METTL22: variants seen among roughly 807,000 people sequenced by gnomAD.
METTL22 encodes the protein methyltransferase-like protein 22.
Under a neutral mutation model 48.4 loss-of-function variants are expected in METTL22, and 51 were observed. The observed-to-expected ratio is 1.05, with a 90% CI of 0.84 to 1.33. METTL22 has a LOEUF of 1.33. Ranked by LOEUF, METTL22 falls within the 40% of genes most tolerant of loss-of-function variation. METTL22 has a pLI of 0.00. For synonymous variants in METTL22, 255 were observed against 214.1 expected (o/e 1.19, Z -1.67); for missense variants, 678 against 526.9 (o/e 1.29, Z -2.81).
downstream of METTL22, among the ~76,000 whole-genome samples, chr16:8,650,533 A>G (rs1000466816): frequency 6.6e-6 from 1 of 152,240 alleles, no homozygotes; most frequent in African/African-American, 2.4e-5. Context: ...TTGGTAGCAG[A>G]CTAGGGTGGC....
chr16:8,642,074 G>A, intron 7 of METTL22, 53 bp from the exon 8 acceptor site: 1 of 1,391,186 alleles, frequency 7.2e-7, no homozygotes, highest in Non-Finnish European at 1.0e-6. Flanking sequence ...AGTGAGAGTT[G>A]GTGGCCAGGA....
At chr16:8,664,743 G>A in the METTL22 span, among the ~76,000 whole-genome samples, 7 of 152,156 alleles carry the variant, frequency 4.6e-5, no homozygotes, top group Non-Finnish European at 7.3e-5. Context: ...TGACAGGCAT[G>A]AGCCACCACG....
rs767501864 is a variant in METTL22, at chr16:8,641,177, C to G, written c.819C>G (p.Leu273=). Residue 273 remains leucine, a synonymous_variant, in exon 7 of 11, where the codon CTC becomes CTG. Coordinates refer to ENST00000381920, the MANE Select transcript of METTL22 (RefSeq NM_024109.4). Reference sequence around the variant, plus strand: ...AACTGGACTGGCTGAAGGACGACCTCTGCACAGGTGTGTGTTTCTCTCGGA... The same window carrying G: ...AACTGGACTGGCTGAAGGACGACCTGTGCACAGGTGTGTGTTTCTCTCGGA... ...VKELDWLKDD[L]CTDPKVPFSW... The G allele has an allele frequency of 9.9e-6, 16 of 1,613,978 alleles. 1 individual carries two copies. The South Asian group carries it at 1.6e-4, about 17-fold the overall frequency.
At chr16:8,625,913 C>G in intron 2 of METTL22, 115 bp downstream of exon 2, 5 of 1,336,180 alleles carry the variant, frequency 3.7e-6, no homozygotes, top group East Asian at 2.3e-5. Flanking sequence ...TATCCTCAGA[C>G]CACTTTTTAA....
At chr16:8,625,172 G>C (rs958603602) in intron 1 of METTL22, among the ~76,000 whole-genome samples, 1 of 151,942 alleles carries the variant, frequency 6.6e-6, no homozygotes, top group Non-Finnish European at 1.5e-5. Context: ...AATAATTTAG[G>C]GGCAAAATGT....
At chr16:8,652,341 C>T (rs990359101), downstream of METTL22, among the ~76,000 whole-genome samples, 2 of 151,774 alleles carry the variant, frequency 1.3e-5, no homozygotes, top group South Asian at 2.1e-4. Context: ...CAGCTGTAAT[C>T]CCAGCTACTC....
the METTL22 span, among the ~76,000 whole-genome samples, chr16:8,655,394 T>C: frequency 6.6e-6 from 1 of 152,204 alleles, no homozygotes; most frequent in African/African-American, 2.4e-5. Flanking sequence ...CTTCTCTCAT[T>C]TCTCTGCCAT....
chr16:8,640,958 C>CTGGA (rs1567241392), intron 6 of METTL22, among the ~76,000 whole-genome samples, 173 bp from the exon 7 acceptor site: 11 of 27,612 alleles, frequency 4.0e-4, no homozygotes, highest in African/African-American at 1.3e-3. Context: ...GGGTGGATGG[C>CTGGA]TGGCTGGCTG....
chr16:8,643,989 A>C (rs2056704446), intron 9 of METTL22, among the ~76,000 whole-genome samples: 1 of 152,230 alleles, frequency 6.6e-6, no homozygotes, highest in African/African-American at 2.4e-5. Flanking sequence ...GGAAAAAGGC[A>C]AAGAGCTTTA....
intron 10 of METTL22, 43 bp downstream of exon 10, chr16:8,644,768 T>A: frequency 6.7e-7 from 1 of 1,490,740 alleles, no homozygotes; most frequent in Non-Finnish European, 9.0e-7. Context: ...TGCTTTACTG[T>A]GAAGCGGGTG....
At position 8,626,083 on chromosome 16, in the gene METTL22, A is replaced by G. The variant is rs534319494; in HGVS notation, c.133+285A>G. 2.0e-5 allele frequency among the ~76,000 whole-genome samples: 3 copies of G among 152,018 alleles called. No homozygotes were observed. In the South Asian group the frequency reaches 6.2e-4, roughly 32 times the overall value. On this transcript the variant is annotated intron_variant, in intron 2 of 10. Coordinates refer to ENST00000381920, the MANE Select transcript of METTL22 (RefSeq NM_024109.4). Reference sequence around the variant, plus strand: ...ACAGTCATGGCTCACTGCAGCCTCAAACTCCTGGACTCAAGTGATCTTCCT... The same window carrying G: ...ACAGTCATGGCTCACTGCAGCCTCAGACTCCTGGACTCAAGTGATCTTCCT...
intron 2 of METTL22, 63 bp downstream of exon 2, chr16:8,625,861 C>G (rs957637969): frequency 8.8e-6 from 14 of 1,587,176 alleles, no homozygotes; most frequent in African/African-American, 2.7e-5. Flanking sequence ...TCATACTCAT[C>G]TTTTTGGGGA....
At chr16:8,661,846 T>C in the METTL22 span, among the ~76,000 whole-genome samples, 1 of 144,816 alleles carries the variant, frequency 6.9e-6, no homozygotes, top group Non-Finnish European at 1.5e-5. Context: ...ATGCTGGAAT[T>C]ACAGGCATGA....
chr16:8,641,088 A>G (rs766402431), intron 6 of METTL22, 43 bp from the exon 7 acceptor site: 2 of 1,573,996 alleles, frequency 1.3e-6, no homozygotes, highest in South Asian at 1.1e-5. Flanking sequence ...TTTCCTGATG[A>G]TGTTTAGAGT....
chr16:8,662,388 G>C, the METTL22 span, among the ~76,000 whole-genome samples: 2 of 145,350 alleles, frequency 1.4e-5, no homozygotes, highest in African/African-American at 5.1e-5. Flanking sequence ...GTGGATTGGA[G>C]CTTATGCTGT....
At chr16:8,661,801 G>A in the METTL22 span, among the ~76,000 whole-genome samples, 2 of 143,924 alleles carry the variant, frequency 1.4e-5, 1 homozygote, top group African/African-American at 5.2e-5. Context: ...TCGAACTCCC[G>A]GCCTCAAGCA....
chr16:8,664,987 A>C, the METTL22 span, among the ~76,000 whole-genome samples: 1 of 151,986 alleles, frequency 6.6e-6, no homozygotes, highest in Admixed American at 6.5e-5. Context: ...CCTGGGGAGG[A>C]GGGACTCACT....
the METTL22 span, among the ~76,000 whole-genome samples, chr16:8,660,859 AGAGGAGGAGGAGGAGGAAGAG>A: frequency 0.02 from 31 of 1,564 alleles, 3 homozygotes; most frequent in South Asian, 0.12. Flanking sequence ...GGGAGGAGGA[AGAGGAGGAGGAGGAGGAAGAG>A]GAGGAGGAGG....
At position 8,639,701 on chromosome 16, in the gene METTL22, CT is replaced by C. The variant is rs765118829; in HGVS notation, c.772+540del. The C allele has an allele frequency of 7.7e-4, 127 of 165,162 alleles. 1 individual carries two copies. Among genetic ancestry groups the C allele is most frequent in the South Asian group, 1.1e-3 (7 of 6,280 alleles). The allele number at this position is 165,162 out of a possible 1,614,324, so 10.2% of individuals were successfully genotyped here. A position where few individuals can be genotyped will look rare whatever the true frequency, so the allele number is the denominator to read the frequency against. On this transcript the variant is annotated intron_variant, in intron 6 of 10. Transcript: ENST00000381920. ...GGCCAGTCCCCCTGCGCAGATGGGC[CT>C]CCGCCTCCATCTGCCTGGTTCTCTG... is the stretch of plus-strand genomic sequence containing the variant.
Sources: allele counts gnomAD v4.1 joint callset (sites outside exome capture counted in the v4.1 genomes callset), GRCh38; gene constraint gnomAD v4.1.1; transcripts MANE v1.5; gene names NCBI Gene and HGNC (gene_info 2026-07-23, HGNC 2026-07-21).